Variants in ZFAND3 observed in about 807,000 individuals in gnomAD.
The protein encoded by ZFAND3 is AN1-type zinc finger protein 3.
In ZFAND3, 10 loss-of-function variants were observed where a neutral mutation model predicts 29.6. The observed-to-expected ratio is 0.34, with a 90% CI of 0.21 to 0.57. The LOEUF is 0.57. Ranked by LOEUF, ZFAND3 falls within the 20% of genes least tolerant of loss-of-function variation. The pLI is 0.86. For synonymous variants in ZFAND3, 128 were observed against 112.6 expected (o/e 1.14, Z -0.87); for missense variants, 230 against 304.5 (o/e 0.76, Z 1.82).
At chr6:38,124,108 C>T (rs1243400732) in intron 5 of ZFAND3, among the ~76,000 whole-genome samples, 13 of 152,152 alleles carry the variant, frequency 8.5e-5, no homozygotes, top group Admixed American at 7.9e-4. Context: ...CAAAAGCTCT[C>T]CACATCCCCA....
chr6:38,027,375 A>G (rs1368262004), intron 2 of ZFAND3, among the ~76,000 whole-genome samples: 1 of 152,254 alleles, frequency 6.6e-6, no homozygotes, highest in East Asian at 1.9e-4. Context: ...CAAAAGAACC[A>G]AAGAGCTTTG....
intron 1 of ZFAND3, among the ~76,000 whole-genome samples, chr6:37,861,622 A>G (rs1023051216): frequency 5.9e-5 from 9 of 152,218 alleles, no homozygotes; most frequent in African/African-American, 2.2e-4. Context: ...GGTTAAAACT[A>G]TTATGAAATA....
chr6:38,152,670 C>T lies in ZFAND3; in HGVS notation c.*281C>T, dbSNP rs912060046. 5 of 1,130,242 alleles carry T rather than the reference C, an allele frequency of 4.4e-6. No homozygotes were observed. The highest frequency in any genetic ancestry group is 3.2e-5 in the African/African-American group (2 of 61,966). 70.0% of individuals were successfully genotyped at this position (1,130,242 alleles called of 1,614,324 possible). ...GCTAGTGGATTTAAAACAACACATACCTGTCACTGCTGGAGTCAAACTTAT... is the reference window on the plus strand; with the variant it reads ...GCTAGTGGATTTAAAACAACACATATCTGTCACTGCTGGAGTCAAACTTAT... On this transcript the variant is annotated 3_prime_UTR_variant, in exon 6 of 6. Coordinates refer to ENST00000287218, the MANE Select transcript of ZFAND3 (RefSeq NM_021943.3).
intron 1 of ZFAND3, among the ~76,000 whole-genome samples, chr6:37,874,668 C>G (rs929035041): frequency 6.6e-6 from 1 of 152,118 alleles, no homozygotes; most frequent in Non-Finnish European, 1.5e-5. Flanking sequence ...GGTTAGGTCT[C>G]CAACATATCT....
chr6:38,063,026 T>C (rs1156960278), intron 3 of ZFAND3, among the ~76,000 whole-genome samples: 4 of 150,924 alleles, frequency 2.7e-5, no homozygotes, highest in Non-Finnish European at 5.9e-5. Context: ...GAGTTCAGGG[T>C]TACAGTGGAC....
intron 1 of ZFAND3, among the ~76,000 whole-genome samples, chr6:37,924,736 G>A (rs1442710253): frequency 3.3e-5 from 5 of 151,794 alleles, no homozygotes; most frequent in African/African-American, 1.2e-4. Flanking sequence ...TGGGAGGATG[G>A]CTTGAGCCTA....
chr6:38,129,287 T>C (rs1765698162), intron 5 of ZFAND3, among the ~76,000 whole-genome samples: 1 of 152,264 alleles, frequency 6.6e-6, no homozygotes, highest in Non-Finnish European at 1.5e-5. Context: ...CTGTTTACTA[T>C]GGTGACTGTT....
At chr6:37,857,665 G>A (rs1342430438) in intron 1 of ZFAND3, among the ~76,000 whole-genome samples, 1 of 152,148 alleles carries the variant, frequency 6.6e-6, no homozygotes, top group Non-Finnish European at 1.5e-5. Flanking sequence ...GCGACTTGTC[G>A]AGCAGCTTGA....
intron 2 of ZFAND3, among the ~76,000 whole-genome samples, chr6:37,959,889 G>A (rs1446376678): frequency 6.6e-6 from 1 of 152,160 alleles, no homozygotes; most frequent in Non-Finnish European, 1.5e-5. Context: ...GGCGAAATCT[G>A]TATGGAAATA....
intron 4 of ZFAND3, among the ~76,000 whole-genome samples, chr6:38,094,511 A>G (rs1764939428): frequency 6.6e-6 from 1 of 152,218 alleles, no homozygotes; most frequent in Non-Finnish European, 1.5e-5. Context: ...CAGTTTTAGT[A>G]CCTTTGTTCT....
At chr6:37,912,026 TTATCTG>T (rs1403708463) in intron 1 of ZFAND3, among the ~76,000 whole-genome samples, 2 of 113,652 alleles carry the variant, frequency 1.8e-5, no homozygotes, top group East Asian at 4.9e-4. Context: ...TGCCAGTCTT[TTATCTG>T]TGTGTGTGTG....
At chr6:37,875,727 C>T (rs1764780848) in intron 1 of ZFAND3, among the ~76,000 whole-genome samples, 1 of 151,440 alleles carries the variant, frequency 6.6e-6, no homozygotes, top group South Asian at 2.1e-4. Context: ...GGGGCAATCA[C>T]AGTTCACTGC....
intron 2 of ZFAND3, among the ~76,000 whole-genome samples, chr6:37,986,828 G>A (rs1319970167): frequency 6.6e-6 from 1 of 151,864 alleles, no homozygotes; most frequent in African/African-American, 2.4e-5. Flanking sequence ...GTATTAAAAA[G>A]CAATTAATAC....
At chr6:38,081,233 C>T (rs537764969) in intron 3 of ZFAND3, among the ~76,000 whole-genome samples, 2 of 151,146 alleles carry the variant, frequency 1.3e-5, no homozygotes, top group Non-Finnish European at 2.9e-5. Flanking sequence ...GCTAAGTGTT[C>T]TTTGAAGTCA....
chr6:38,003,722 C>A (rs1169356705), intron 2 of ZFAND3: 3 of 384,132 alleles, frequency 7.8e-6, no homozygotes, highest in Non-Finnish European at 1.5e-5. Flanking sequence ...ACCAGGCTGG[C>A]CTTGAACTCC....
At chr6:37,914,408 G>A (rs927688357) in intron 1 of ZFAND3, among the ~76,000 whole-genome samples, 6 of 152,196 alleles carry the variant, frequency 3.9e-5, no homozygotes, top group Middle Eastern at 3.4e-3. Context: ...GTGCTGGAGC[G>A]CAGTGGTGCA....
At chr6:37,885,382 G>T (rs561002462) in intron 1 of ZFAND3, among the ~76,000 whole-genome samples, 7 of 152,300 alleles carry the variant, frequency 4.6e-5, no homozygotes, top group Admixed American at 2.6e-4. Context: ...GGTGGCTCAC[G>T]TCTGTAATCC....
intron 4 of ZFAND3, 37 bp downstream of exon 4, chr6:38,082,494 T>G (rs1250023430): frequency 6.3e-7 from 1 of 1,591,544 alleles, no homozygotes; most frequent in Non-Finnish European, 8.6e-7. Flanking sequence ...CATCCTTATT[T>G]GAATTCTTCA....
At position 38,029,940 on chromosome 6, in the gene ZFAND3, C is replaced by T. The variant is rs888908253; in HGVS notation, c.113-31653C>T. On this transcript the variant is annotated intron_variant, in intron 2 of 5. Coordinates refer to ENST00000287218, the MANE Select transcript of ZFAND3 (RefSeq NM_021943.3). ...AAGTTTATATTTGCCTTAAATTATT[C>T]TGTATTTAGTGCTTTTCATTTCTAT... Among the ~76,000 whole-genome samples the T allele has an allele frequency of 4.6e-5, 7 of 151,322 alleles. No individual in the cohort carries two copies. In the South Asian group the frequency reaches 1.5e-3, roughly 32 times the overall value.
Sources: gnomAD v4.1 joint callset for allele counts (sites outside exome capture counted in the v4.1 genomes callset) on GRCh38, gnomAD v4.1.1 for gene constraint, MANE v1.5 for transcripts, NCBI Gene and HGNC (gene_info 2026-07-23, HGNC 2026-07-21) for gene names.